TJP3: variants seen among roughly 807,000 people sequenced by gnomAD.
TJP3 encodes tight junction protein 3.
A neutral mutation model predicts 104.2 loss-of-function variants in TJP3; 85 were observed. The ratio of observed to expected loss-of-function variants is 0.82; its 90% CI spans 0.68 to 0.98. The LOEUF (loss-of-function observed/expected upper bound fraction) is 0.98. TJP3 is among the 50% of genes least tolerant of loss of function. The pLI, the probability that TJP3 is intolerant of heterozygous loss-of-function variation, is 0.00. For synonymous variants in TJP3, 550 were observed against 550.6 expected (o/e 1.00, Z 0.02); for missense variants, 1,367 against 1,322.8 (o/e 1.03, Z -0.52).
intron 1 of TJP3, among the ~76,000 whole-genome samples, chr19:3,715,617 G>C (rs1247945267): frequency 2.0e-5 from 3 of 152,134 alleles, no homozygotes; most frequent in Non-Finnish European, 2.9e-5. Context: ...CTCTCTTAGA[G>C]GGGTTGACAG....
chr19:3,724,173 C>CG (rs1568380102), intron 1 of TJP3, among the ~76,000 whole-genome samples: 1 of 151,240 alleles, frequency 6.6e-6, no homozygotes, highest in Non-Finnish European at 1.5e-5. Context: ...ACTCTGGGTT[C>CG]GGGGGCCCTG....
chr19:3,727,251 AG>A (rs1020459500), intron 1 of TJP3, among the ~76,000 whole-genome samples: 5 of 152,078 alleles, frequency 3.3e-5, no homozygotes, highest in Non-Finnish European at 4.4e-5. Flanking sequence ...TGGAAGGCCA[AG>A]GGGGTGGATC....
intron 1 of TJP3, among the ~76,000 whole-genome samples, chr19:3,718,120 G>A (rs751427834): frequency 6.7e-6 from 1 of 148,322 alleles, no homozygotes; most frequent in Non-Finnish European, 1.5e-5. Context: ...GCAGGAGAAT[G>A]GCGTGAACCC....
chr19:3,716,966 C>CT lies in TJP3; in HGVS notation c.-10+8421dup, dbSNP rs59845215. On this transcript the variant is annotated intron_variant, in intron 1 of 20. Coordinates refer to ENST00000541714, the MANE Select transcript of TJP3 (RefSeq NM_001267560.2). ...GGCGGGTGCCAACACGCCCAGGTGA[C>CT]TTTTTTTTTTTTTTTTGAGACGGAG... Among the ~76,000 whole-genome samples, 481 of 115,340 alleles carry CT rather than the reference C, an allele frequency of 4.2e-3. 14 individuals are homozygous for CT. The highest frequency in any genetic ancestry group is 0.012 in the African/African-American group (385 of 33,308). The allele number at this position is 115,340 out of a possible 152,430, so 75.7% of individuals were successfully genotyped here. A position where few individuals can be genotyped will look rare whatever the true frequency, so the allele number is the denominator to read the frequency against.
chr19:3,747,652 C>T, intron 18 of TJP3, 142 bp from the exon 19 acceptor site: 1 of 1,051,904 alleles, frequency 9.5e-7, no homozygotes, highest in Non-Finnish European at 1.3e-6. Flanking sequence ...ATCCTGGAGT[C>T]AACAGAGAAG....
intron 6 of TJP3, 139 bp downstream of exon 6, chr19:3,732,177 G>A (rs893215565): frequency 3.1e-6 from 2 of 640,914 alleles, no homozygotes; most frequent in Non-Finnish European, 5.1e-6. Flanking sequence ...TATCTCAAAG[G>A]TTGCAGATGG....
At position 3,747,940 on chromosome 19, in the gene TJP3, A is replaced by G. The variant is rs138178232; in HGVS notation, c.2469A>G (p.Thr823=). 2.4e-5 allele frequency: 38 copies of G among 1,613,100 alleles called. No homozygotes were observed. In the African/African-American group the frequency reaches 4.9e-4, roughly 21 times the overall value. Residue 823 remains threonine (T), a synonymous_variant, in exon 19 of 21, where the codon ACA becomes ACG. Transcript: ENST00000541714. ...GGAYTDGEGY[T]DGEGGPYTDV... Reference sequence around the variant, plus strand: ...CGTACACGGATGGCGAGGGCTACACAGACGGCGAGGGGGGGCCCTACACGG... The same window carrying G: ...CGTACACGGATGGCGAGGGCTACACGGACGGCGAGGGGGGGCCCTACACGG...
intron 1 of TJP3, among the ~76,000 whole-genome samples, chr19:3,727,950 C>A (rs1452775156): frequency 6.7e-6 from 1 of 148,468 alleles, no homozygotes; most frequent in Non-Finnish European, 1.5e-5. Context: ...TCAAAAAAAA[C>A]AAAACAAGGC....
intron 14 of TJP3, among the ~76,000 whole-genome samples, chr19:3,741,285 G>A (rs1174249315): frequency 6.6e-6 from 1 of 151,394 alleles, no homozygotes; most frequent in Admixed American, 6.6e-5. Context: ...ACAGGCGTGA[G>A]CCACCACGCC....
At chr19:3,747,101 C>T (rs897231511) in intron 18 of TJP3, among the ~76,000 whole-genome samples, 1 of 152,042 alleles carries the variant, frequency 6.6e-6, no homozygotes, top group Non-Finnish European at 1.5e-5. Context: ...TCTCATGTCA[C>T]CCAGGCTGGA....
intron 3 of TJP3, among the ~76,000 whole-genome samples, chr19:3,728,992 G>A (rs1599150800): frequency 1.3e-5 from 2 of 152,170 alleles, no homozygotes; most frequent in East Asian, 3.8e-4. Context: ...GGCAGAGGTT[G>A]CGGTGAGCCA....
At chr19:3,720,226 G>C (rs1319299703) in intron 1 of TJP3, among the ~76,000 whole-genome samples, 4 of 152,342 alleles carry the variant, frequency 2.6e-5, no homozygotes, top group Non-Finnish European at 5.9e-5. Context: ...GTCCCCACAA[G>C]AGGCTTTGGC....
intron 3 of TJP3, among the ~76,000 whole-genome samples, chr19:3,728,939 G>C (rs1435795049): frequency 6.6e-6 from 1 of 152,180 alleles, no homozygotes; most frequent in Non-Finnish European, 1.5e-5. Flanking sequence ...TGTAATCCCA[G>C]CTACTCGGGA....
intron 11 of TJP3, among the ~76,000 whole-genome samples, chr19:3,738,123 G>A (rs1253200798): frequency 6.6e-6 from 1 of 151,920 alleles, no homozygotes; most frequent in African/African-American, 2.4e-5. Flanking sequence ...GACCCTGGTG[G>A]TAGGCATCTG....
At chr19:3,710,071 C>T (rs2036419481) in intron 1 of TJP3, among the ~76,000 whole-genome samples, 1 of 148,442 alleles carries the variant, frequency 6.7e-6, no homozygotes, top group Non-Finnish European at 1.5e-5. Flanking sequence ...ATTGCTTGAA[C>T]CCAGGAGGTG....
chr19:3,748,108 G>A, intron 19 of TJP3, 27 bp downstream of exon 19: 1 of 1,524,312 alleles, frequency 6.6e-7, no homozygotes, highest in South Asian at 1.3e-5. Context: ...GGGCAGGCCT[G>A]GGAAGGGTCT....
intron 19 of TJP3, chr19:3,749,569 C>T (rs1337491922): frequency 1.3e-5 from 2 of 152,720 alleles, no homozygotes; most frequent in Non-Finnish European, 2.9e-5. Flanking sequence ...TGGTCTCTAA[C>T]TCCTGGGCTC....
intron 15 of TJP3, among the ~76,000 whole-genome samples, chr19:3,744,841 T>C (rs992647942): frequency 6.6e-6 from 1 of 152,012 alleles, no homozygotes; most frequent in Non-Finnish European, 1.5e-5. Flanking sequence ...GGCAGGAGAA[T>C]TGCTTGATCC....
In TJP3 at chr19:3,750,149, C is replaced by G; in HGVS notation, c.2622C>G (p.Arg874=). Residue 874 remains arginine, a synonymous_variant, in exon 20 of 21, where the codon CGC becomes CGG. Coordinates refer to ENST00000541714, the MANE Select transcript of TJP3 (RefSeq NM_001267560.2). ...SAHQGAQVDS[R]HPQGQWRQDS... ...CCCTCTCCTCCAAGGTGGACAGCCGCCACCCCCAGGGACAGTGGCGACAGG... is the reference window on the plus strand; with the variant it reads ...CCCTCTCCTCCAAGGTGGACAGCCGGCACCCCCAGGGACAGTGGCGACAGG... The G allele has an allele frequency of 6.2e-7, 1 of 1,614,114 alleles. No individual in the cohort carries two copies. The highest frequency in any genetic ancestry group is 8.5e-7 in the Non-Finnish European group (1 of 1,180,000).
Sources: gnomAD v4.1 joint callset for allele counts (sites outside exome capture counted in the v4.1 genomes callset) on GRCh38, gnomAD v4.1.1 for gene constraint, MANE v1.5 for transcripts, NCBI Gene and HGNC (gene_info 2026-07-23, HGNC 2026-07-21) for gene names.